The following UTRN variants were observed in gnomAD, a reference collection of about 807,000 sequenced individuals.
The protein encoded by UTRN is utrophin, also known as dystrophin-related protein 1.
Under a neutral mutation model 463.9 loss-of-function variants are expected in UTRN, and 283 were observed. The ratio of observed to expected loss-of-function variants is 0.61; its 90% confidence interval spans 0.55 to 0.67. The LOEUF (loss-of-function observed/expected upper bound fraction) is 0.67, where lower values mean the gene tolerates loss of function less well. Ranked by LOEUF, UTRN falls within the 30% of genes least tolerant of loss-of-function variation. The probability of loss-of-function intolerance (pLI) is 0.00; values close to 1 mark genes in which losing one functional copy is unlikely to be tolerated. For synonymous variants in UTRN, 1,442 were observed against 1,431.5 expected (o/e 1.01, Z -0.17); for missense variants, 3,922 against 4,084.3 (o/e 0.96, Z 1.08).
At chr6:144,332,504 C>G (rs894519966) in intron 2 of UTRN, among the ~76,000 whole-genome samples, 1 of 152,084 alleles carries the variant, frequency 6.6e-6, no homozygotes, top group Non-Finnish European at 1.5e-5. Flanking sequence ...GAACCCTAGT[C>G]AAGACCTTTG....
intron 50 of UTRN, among the ~76,000 whole-genome samples, chr6:144,564,363 A>T (rs1800204931): frequency 6.6e-6 from 1 of 152,158 alleles, no homozygotes; most frequent in African/African-American, 2.4e-5. Flanking sequence ...CAAATATAAA[A>T]GTCATGAGGC....
At chr6:144,795,945 T>C (rs1219565015) in intron 63 of UTRN, among the ~76,000 whole-genome samples, 1 of 152,200 alleles carries the variant, frequency 6.6e-6, no homozygotes, top group Admixed American at 6.5e-5. Context: ...TTTTGCCTTT[T>C]GTTGCCATTG....
intron 60 of UTRN, among the ~76,000 whole-genome samples, chr6:144,774,814 C>T (rs1345148076): frequency 6.6e-6 from 1 of 152,146 alleles, no homozygotes; most frequent in East Asian, 1.9e-4. Flanking sequence ...ATAAAAGGCT[C>T]TATTTTCTTT....
chr6:144,822,688 T>C (rs1173000040), intron 66 of UTRN, among the ~76,000 whole-genome samples: 1 of 152,096 alleles, frequency 6.6e-6, no homozygotes, highest in Non-Finnish European at 1.5e-5. Flanking sequence ...CTTCAAAAGG[T>C]TGTGTGATAA....
chr6:144,827,126 A>G (rs1780251593), intron 66 of UTRN, among the ~76,000 whole-genome samples: 1 of 152,124 alleles, frequency 6.6e-6, no homozygotes, highest in African/African-American at 2.4e-5. Context: ...AATATCCTGT[A>G]ATATCTGTGA....
At chr6:144,384,363 T>G (rs1344541383) in intron 2 of UTRN, among the ~76,000 whole-genome samples, 5 of 152,088 alleles carry the variant, frequency 3.3e-5, no homozygotes, top group African/African-American at 1.2e-4. Context: ...GCACGAACCC[T>G]ATTGTGGACT....
intron 50 of UTRN, among the ~76,000 whole-genome samples, chr6:144,573,313 A>G (rs1215167925): frequency 6.6e-6 from 1 of 151,976 alleles, no homozygotes; most frequent in Non-Finnish European, 1.5e-5. Flanking sequence ...GTACTTTTGG[A>G]GGCTGAGGCA....
intron 2 of UTRN, among the ~76,000 whole-genome samples, chr6:144,303,212 GA>G: frequency 6.6e-6 from 1 of 152,168 alleles, no homozygotes; most frequent in Non-Finnish European, 1.5e-5. Context: ...GAAAGGATGT[GA>G]AAAGTGGTTA....
At chr6:144,563,361 C>CT (rs1327746301) in intron 50 of UTRN, among the ~76,000 whole-genome samples, 1 of 152,040 alleles carries the variant, frequency 6.6e-6, no homozygotes, top group African/African-American at 2.4e-5. Flanking sequence ...AAAAATGAAG[C>CT]TTTTTTCAGC....
At chr6:144,707,753 T>C (rs1269086572) in intron 53 of UTRN, among the ~76,000 whole-genome samples, 1 of 152,202 alleles carries the variant, frequency 6.6e-6, no homozygotes, top group Admixed American at 6.5e-5. Flanking sequence ...ATGTGCATTA[T>C]CAAGTTCTCA....
At chr6:144,459,622 T>A (rs1469103602) in intron 21 of UTRN, among the ~76,000 whole-genome samples, 1 of 152,100 alleles carries the variant, frequency 6.6e-6, no homozygotes, top group Non-Finnish European at 1.5e-5. Flanking sequence ...AGCTACAGGA[T>A]CTCACTCTGT....
In UTRN at chr6:144,730,522, A is replaced by G. The variant is rs1277363394; in HGVS notation, c.7939+36A>G. On this transcript the variant is annotated intron_variant, in intron 54 of 74. Coordinates refer to ENST00000367545, the MANE Select transcript of UTRN (RefSeq NM_007124.3). ...TTTCTCCACTACATCATAAAAACAC[A>G]TGCTAGGAGAACAAAAAACCCAAAA... is the stretch of plus-strand genomic sequence containing the variant. 3.3e-6 allele frequency: 5 copies of G among 1,528,946 alleles called. No homozygotes were observed. The South Asian group carries it at 6.3e-5, about 19-fold the overall frequency. 94.7% of individuals were successfully genotyped at this position (1,528,946 alleles called of 1,614,324 possible).
At chr6:144,477,945 C>T (rs1791424943) in intron 25 of UTRN, among the ~76,000 whole-genome samples, 1 of 151,836 alleles carries the variant, frequency 6.6e-6, no homozygotes, top group Non-Finnish European at 1.5e-5. Flanking sequence ...ACAAATAATT[C>T]ATTGTGAATT....
At chr6:144,812,962 A>C (rs1778751738) in intron 65 of UTRN, among the ~76,000 whole-genome samples, 1 of 152,124 alleles carries the variant, frequency 6.6e-6, no homozygotes, top group African/African-American at 2.4e-5. Context: ...CAGAATTCAC[A>C]TGCCCACTTA....
Position 144,840,796 on chromosome 6 carries a change from A to G in UTRN, c.10234A>G (p.Met3412Val), listed in dbSNP as rs78694270. The change falls in exon 73 of 75, where the codon ATG (methionine) becomes GTG (valine). Residue 3412 changes from methionine (M) to valine (V), a missense_variant. Physicochemically the swap from Met to Val is conservative, Grantham distance 21 (BLOSUM62 1). This residue lies in a region of UTRN where 1,309 missense variants were observed against 1,452.6 expected (regional missense o/e 0.90). Coordinates refer to ENST00000367545, the MANE Select transcript of UTRN (RefSeq NM_007124.3). Reference protein sequence around the residue: ...HDTSTDLTEVMEQIHSTFPSC... With the variant: ...HDTSTDLTEVVEQIHSTFPSC... ...CACCAGCACGGATCTCACGGAGGTC[A>G]TGGAGCAGATTCACAGCACGTTTCC... is the stretch of plus-strand genomic sequence containing the variant. 1.9e-6 allele frequency: 3 copies of G among 1,614,106 alleles called. No homozygotes were observed. The highest frequency in any genetic ancestry group is 2.5e-6 in the Non-Finnish European group (3 of 1,179,980).
intron 43 of UTRN, among the ~76,000 whole-genome samples, chr6:144,536,285 T>C (rs1165807912): frequency 6.6e-6 from 1 of 152,222 alleles, no homozygotes; most frequent in African/African-American, 2.4e-5. Flanking sequence ...AAATTAGTCA[T>C]GATCTTGAAA....
chr6:144,548,365 A>G (rs897391252), intron 46 of UTRN, among the ~76,000 whole-genome samples: 2 of 152,198 alleles, frequency 1.3e-5, no homozygotes, highest in Non-Finnish European at 2.9e-5. Flanking sequence ...TAATACTTCC[A>G]GTTCTCCCAC....
intron 23 of UTRN, 69 bp downstream of exon 23, chr6:144,462,935 C>T (rs556444922): frequency 2.6e-5 from 32 of 1,208,452 alleles, no homozygotes; most frequent in South Asian, 2.5e-4. Context: ...ATAAGATTCA[C>T]GTATTTATTA....
At chr6:144,673,389 T>C (rs974731033) in intron 51 of UTRN, among the ~76,000 whole-genome samples, 4 of 152,252 alleles carry the variant, frequency 2.6e-5, no homozygotes, top group East Asian at 3.9e-4. Context: ...CCTTTTATCA[T>C]TATATAATAT....
Sources: allele counts gnomAD v4.1 joint callset (sites outside exome capture counted in the v4.1 genomes callset), GRCh38; gene constraint gnomAD v4.1.1; regional missense constraint gnomAD v4.1.1; transcripts MANE v1.5; gene names NCBI Gene and HGNC (gene_info 2026-07-23, HGNC 2026-07-21).